Variants in TXNRD3 observed in about 807,000 individuals in gnomAD.
The protein encoded by TXNRD3 is thioredoxin reductase 3.
In TXNRD3, 68 loss-of-function variants were observed where a neutral mutation model predicts 78.2. The observed-to-expected ratio is 0.87, with a 90% CI of 0.72 to 1.06. TXNRD3 has a LOEUF of 1.06. Among genes scored for constraint, TXNRD3 ranks in the 50% least tolerant of loss-of-function variants. The pLI is 0.00. For synonymous variants in TXNRD3, 296 were observed against 300.1 expected (o/e 0.99, Z 0.14); for missense variants, 751 against 809.5 (o/e 0.93, Z 0.88).
Position 126,644,270 on chromosome 3 carries a change from C to G in TXNRD3, c.519+27G>C, listed in dbSNP as rs750173715. 16 of 1,516,022 alleles carry G rather than the reference C, an allele frequency of 1.1e-5. No individual in the cohort carries two copies. In the South Asian group the frequency reaches 1.9e-4, roughly 18 times the overall value. The allele number at this position is 1,516,022 out of a possible 1,614,324, so 93.9% of individuals were successfully genotyped here. A position where few individuals can be genotyped will look rare whatever the true frequency, so the allele number is the denominator to read the frequency against. On this transcript the variant is annotated intron_variant, in intron 4 of 15. Coordinates refer to ENST00000524230, the MANE Select transcript of TXNRD3 (RefSeq NM_052883.3). ...CTATGGCAGTCATCAGGAAAATTATCTACGAGTTTCATTTCTATATTCATA... is the reference window on the plus strand; with the variant it reads ...CTATGGCAGTCATCAGGAAAATTATGTACGAGTTTCATTTCTATATTCATA...
intron 6 of TXNRD3, among the ~76,000 whole-genome samples, chr3:126,638,075 C>A (rs899475675): frequency 2.7e-5 from 4 of 150,718 alleles, no homozygotes; most frequent in Non-Finnish European, 4.4e-5. Flanking sequence ...TCCCGAGTAG[C>A]TGGGACTACA....
At chr3:126,617,690 C>T (rs561702504) in intron 12 of TXNRD3, among the ~76,000 whole-genome samples, 1 of 152,326 alleles carries the variant, frequency 6.6e-6, no homozygotes, top group South Asian at 2.1e-4. Context: ...CCACTGGCAC[C>T]AGTCTTATTC....
At chr3:126,613,813 ATATGAC>A (rs1243651155) in intron 13 of TXNRD3, among the ~76,000 whole-genome samples, 6 of 152,404 alleles carry the variant, frequency 3.9e-5, no homozygotes, top group South Asian at 2.1e-4. Flanking sequence ...AATAAATGTG[ATATGAC>A]TATGATACTG....
In TXNRD3 at chr3:126,650,918, C is replaced by T. The variant is rs564928007; in HGVS notation, c.244-3622G>A. Among the ~76,000 whole-genome samples the T allele has an allele frequency of 3.3e-5, 5 of 152,224 alleles. 1 individual carries two copies. The highest frequency in any genetic ancestry group is 7.2e-5 in the African/African-American group (3 of 41,540). On this transcript the variant is annotated intron_variant, in intron 1 of 15. Transcript: ENST00000524230. ...ATTCCCACAACTCTTGTTTTTCTTA[C>T]GCACTTCTTTCTACACAAACAAGCT... is the stretch of plus-strand genomic sequence containing the variant.
intron 11 of TXNRD3, 125 bp downstream of exon 11, chr3:126,622,339 G>A: frequency 1.6e-6 from 1 of 629,178 alleles, no homozygotes. Context: ...ATTATAAAGA[G>A]CTGGCACTGA....
chr3:126,642,211 C>T, intron 5 of TXNRD3, 60 bp from the exon 6 acceptor site: 1 of 1,479,738 alleles, frequency 6.8e-7, no homozygotes, highest in Non-Finnish European at 8.9e-7. Context: ...CATCTGCAAT[C>T]ATATTATATT....
chr3:126,641,599 C>G (rs1242974183), intron 6 of TXNRD3, among the ~76,000 whole-genome samples: 1 of 152,216 alleles, frequency 6.6e-6, no homozygotes, highest in Non-Finnish European at 1.5e-5. Context: ...CTGTCTTCCT[C>G]ACATCTGTAT....
intron 6 of TXNRD3, among the ~76,000 whole-genome samples, chr3:126,641,633 TTTACTAGA>T (rs1246980065): frequency 6.6e-6 from 1 of 152,226 alleles, no homozygotes; most frequent in Admixed American, 6.5e-5. Context: ...CCAATACATG[TTTACTAGA>T]TGAATTTCTT....
At chr3:126,609,733 G>A (rs934495781) in intron 14 of TXNRD3, among the ~76,000 whole-genome samples, 1 of 152,148 alleles carries the variant, frequency 6.6e-6, no homozygotes, top group Non-Finnish European at 1.5e-5. Flanking sequence ...CATAGCAGAG[G>A]GGCTCAGAGA....
intron 10 of TXNRD3, among the ~76,000 whole-genome samples, chr3:126,623,492 A>G (rs1441642613): frequency 6.6e-6 from 1 of 152,218 alleles, no homozygotes; most frequent in Non-Finnish European, 1.5e-5. Flanking sequence ...AAAAAGGATA[A>G]TTGTTCGTGA....
intron 4 of TXNRD3, 82 bp from the exon 5 acceptor site, chr3:126,644,135 A>T (rs1449310280): frequency 2.7e-6 from 4 of 1,460,800 alleles, no homozygotes; most frequent in Non-Finnish European, 3.7e-6. Flanking sequence ...CTTCCGTAAA[A>T]GACTGTTTTT....
At chr3:126,636,833 G>T (rs571635143) in intron 6 of TXNRD3, among the ~76,000 whole-genome samples, 2 of 152,240 alleles carry the variant, frequency 1.3e-5, no homozygotes, top group Non-Finnish European at 2.9e-5. Context: ...TGTCCAACCT[G>T]TGGCCCATGG....
At position 126,621,835 on chromosome 3, in the gene TXNRD3, A is replaced by G. The variant is rs1261914622; in HGVS notation, c.1431T>C (p.Gly477=). 13 of 1,535,634 alleles carry G rather than the reference A, an allele frequency of 8.5e-6. No homozygotes were observed. The East Asian group carries it at 2.9e-4, about 35-fold the overall frequency. ...GCTCTGGCTTATCCTCCAAAATATC[A>G]CCAACAGCATAGACATATGGCACAT... The change falls in exon 12 of 16, where the codon GGT becomes GGC. Residue 477 remains glycine (G), a synonymous_variant. Transcript: ENST00000524230.
intron 13 of TXNRD3, among the ~76,000 whole-genome samples, chr3:126,611,679 C>T (rs1938201662): frequency 6.6e-6 from 1 of 152,158 alleles, no homozygotes. Flanking sequence ...GCTCAGTCTT[C>T]TAAGAACCAG....
intron 6 of TXNRD3, among the ~76,000 whole-genome samples, chr3:126,641,383 C>T (rs1346662185): frequency 6.6e-6 from 1 of 152,164 alleles, no homozygotes; most frequent in Admixed American, 6.5e-5. Flanking sequence ...GTTCATCAAG[C>T]TGCTTCCAGT....
chr3:126,609,695 G>A (rs1315826444), intron 14 of TXNRD3, among the ~76,000 whole-genome samples: 1 of 152,186 alleles, frequency 6.6e-6, no homozygotes, highest in Non-Finnish European at 1.5e-5. Context: ...CTAGGGATCT[G>A]GGCGGGAGCC....
intron 10 of TXNRD3, 109 bp from the exon 11 acceptor site, chr3:126,622,649 A>G: frequency 1.3e-6 from 1 of 788,110 alleles, no homozygotes. Context: ...GAATATTACA[A>G]ACAATCTATG....
intron 7 of TXNRD3, 30 bp from the exon 8 acceptor site, chr3:126,631,909 G>C: frequency 7.0e-7 from 1 of 1,437,024 alleles, no homozygotes; most frequent in Non-Finnish European, 9.5e-7. Context: ...ACCTCACTTA[G>C]CAAACACTAC....
At chr3:126,640,804 C>G (rs1475455280) in intron 6 of TXNRD3, among the ~76,000 whole-genome samples, 1 of 151,450 alleles carries the variant, frequency 6.6e-6, no homozygotes, top group Admixed American at 6.6e-5. Context: ...CCTCTCTTTT[C>G]TAAGTTCCTC....
Sources: gnomAD v4.1 joint callset for allele counts (sites outside exome capture counted in the v4.1 genomes callset) on GRCh38, gnomAD v4.1.1 for gene constraint, MANE v1.5 for transcripts, NCBI Gene and HGNC (gene_info 2026-07-23, HGNC 2026-07-21) for gene names.